Variants in CSMD1 observed in about 807,000 individuals in gnomAD.
The protein encoded by CSMD1 is CUB and Sushi multiple domains 1.
A neutral mutation model predicts 417.5 loss-of-function variants in CSMD1; 213 were observed. That is an observed-to-expected ratio of 0.51 (90% CI 0.46 to 0.57). The LOEUF (loss-of-function observed/expected upper bound fraction) is 0.57, where lower values mean the gene tolerates loss of function less well. CSMD1 is among the 20% of genes least tolerant of loss of function. The probability of loss-of-function intolerance (pLI) is 0.00; values close to 1 mark genes in which losing one functional copy is unlikely to be tolerated. For missense variants in CSMD1, 6,923 were observed against 4,529.7 expected, an observed-to-expected ratio of 1.53 and a Z score of -15.17; for synonymous variants, 2,862 against 1,736.8, an observed-to-expected ratio of 1.65 and a Z score of -16.11.
At chr8:4,686,165 A>C (rs1806375100) in intron 1 of CSMD1, among the ~76,000 whole-genome samples, 1 of 152,262 alleles carries the variant, frequency 6.6e-6, no homozygotes, top group Non-Finnish European at 1.5e-5. Flanking sequence ...CAAGAAGAGA[A>C]GCAGTGCAAG....
intron 2 of CSMD1, among the ~76,000 whole-genome samples, chr8:4,540,417 C>T (rs1406175015): frequency 6.6e-6 from 1 of 152,034 alleles, no homozygotes; most frequent in Admixed American, 6.6e-5. Flanking sequence ...ATCTCAAAAC[C>T]TCAGGCCGGG....
At chr8:4,139,492 T>A (rs1420765119) in intron 3 of CSMD1, among the ~76,000 whole-genome samples, 12 of 144,786 alleles carry the variant, frequency 8.3e-5, no homozygotes, top group Admixed American at 6.7e-5. Context: ...GTGGCGTGGA[T>A]GAATGGTCTG....
chr8:4,348,347 G>A (rs918049504), intron 3 of CSMD1, among the ~76,000 whole-genome samples: 1 of 152,178 alleles, frequency 6.6e-6, no homozygotes, highest in Non-Finnish European at 1.5e-5. Context: ...CGAAGTCATG[G>A]AATCCACCCA....
rs998069043 is a variant in CSMD1 at position 4,400,690 on chromosome 8, C to T, written c.415+19263G>A. Among the ~76,000 whole-genome samples the T allele has an allele frequency of 2.0e-5, 3 of 149,536 alleles. No individual in the cohort carries two copies. In the South Asian group the frequency reaches 6.4e-4, roughly 32 times the overall value. ...TTTTAGGCCGTTCAGGCTAATTTGC[C>T]TTTTTTTTCAGATTTTTTAATGGAC... is the stretch of plus-strand genomic sequence containing the variant. On this transcript the variant is annotated intron_variant, in intron 3 of 69. Transcript: ENST00000635120.
In CSMD1 at chr8:3,020,600, C is replaced by T. The variant is rs114916447; in HGVS notation, c.7856-1950G>A. 6.5e-3 allele frequency among the ~76,000 whole-genome samples: 990 copies of T among 152,190 alleles called. 16 individuals carry two copies. The highest frequency in any genetic ancestry group is 0.023 in the African/African-American group (939 of 41,516). ...TGTTGTCCAGGCTTGTCTGGAACTCCTGGGCTCAGGCGAATCCTCCCATCT... is the reference window on the plus strand; with the variant it reads ...TGTTGTCCAGGCTTGTCTGGAACTCTTGGGCTCAGGCGAATCCTCCCATCT... On this transcript the variant is annotated intron_variant, in intron 51 of 69. Transcript: ENST00000635120.
chr8:4,628,424 A>T (rs1423858767), intron 2 of CSMD1, among the ~76,000 whole-genome samples: 1 of 75,538 alleles, frequency 1.3e-5, no homozygotes, highest in Non-Finnish European at 3.0e-5. Flanking sequence ...ATATACATAT[A>T]TATACACATA....
At chr8:4,479,103 C>G (rs1170115603) in intron 2 of CSMD1, among the ~76,000 whole-genome samples, 2 of 152,052 alleles carry the variant, frequency 1.3e-5, no homozygotes, top group African/African-American at 2.4e-5. Flanking sequence ...ACAGTTATAT[C>G]TATTTTCTGG....
At chr8:4,114,803 A>G (rs1802046026) in intron 3 of CSMD1, among the ~76,000 whole-genome samples, 1 of 152,210 alleles carries the variant, frequency 6.6e-6, no homozygotes, top group Non-Finnish European at 1.5e-5. Context: ...ATGTGGTAGA[A>G]ATAGCGAGAG....
intron 7 of CSMD1, among the ~76,000 whole-genome samples, chr8:3,621,008 A>G (rs574935035): frequency 2.0e-5 from 3 of 152,218 alleles, no homozygotes; most frequent in Non-Finnish European, 2.9e-5. Context: ...CTAATCCAAC[A>G]TGACTGGTGC....
At chr8:3,575,414 G>A (rs568256118) in intron 9 of CSMD1, among the ~76,000 whole-genome samples, 2 of 152,100 alleles carry the variant, frequency 1.3e-5, no homozygotes, top group African/African-American at 4.8e-5. Context: ...CGTAGGTGTC[G>A]TTGTTCAGAG....
chr8:4,556,862 A>G (rs1384475318), intron 2 of CSMD1, among the ~76,000 whole-genome samples: 1 of 152,238 alleles, frequency 6.6e-6, no homozygotes, highest in African/African-American at 2.4e-5. Flanking sequence ...ACTAATACGT[A>G]TAATGCAATG....
In CSMD1 at chr8:4,791,645, G is replaced by T. The variant is rs1160770896; in HGVS notation, c.86-154087C>A. Among the ~76,000 whole-genome samples the T allele has an allele frequency of 6.6e-5, 10 of 152,286 alleles. 1 individual carries two copies. In the South Asian group the frequency reaches 1.7e-3, roughly 25 times the overall value. ...GTAAGGGTTGAGCTCACTTAAAAAT[G>T]GGCCCAACACAGAAGGCTAGTTAAG... is the stretch of plus-strand genomic sequence containing the variant. On this transcript the variant is annotated intron_variant, in intron 1 of 69. Coordinates refer to ENST00000635120, the MANE Select transcript of CSMD1 (RefSeq NM_033225.6).
chr8:3,129,640 T>C (rs1817686190), intron 41 of CSMD1, among the ~76,000 whole-genome samples: 1 of 148,088 alleles, frequency 6.8e-6, no homozygotes, highest in African/African-American at 2.5e-5. Context: ...CCAGGCATGG[T>C]GACACACACC....
At chr8:4,355,791 A>G (rs539107986) in intron 3 of CSMD1, among the ~76,000 whole-genome samples, 2 of 152,280 alleles carry the variant, frequency 1.3e-5, no homozygotes, top group East Asian at 3.9e-4. Context: ...AACATGTGCT[A>G]CTAACCTGGC....
At chr8:3,814,609 C>G (rs1032317385) in intron 5 of CSMD1, among the ~76,000 whole-genome samples, 1 of 152,140 alleles carries the variant, frequency 6.6e-6, no homozygotes, top group Non-Finnish European at 1.5e-5. Context: ...GCTGGACATC[C>G]CACAGCACAC....
intron 12 of CSMD1, among the ~76,000 whole-genome samples, chr8:3,428,384 T>C (rs1469946693): frequency 3.9e-5 from 6 of 152,092 alleles, no homozygotes; most frequent in African/African-American, 1.4e-4. Context: ...ACAGTACAAA[T>C]CTTGACAGAA....
intron 1 of CSMD1, among the ~76,000 whole-genome samples, chr8:4,883,325 A>G (rs892970755): frequency 3.3e-5 from 5 of 152,156 alleles, no homozygotes; most frequent in African/African-American, 4.8e-5. Flanking sequence ...CTATTTGGAT[A>G]TAATTATCAG....
At chr8:4,096,379 G>C (rs1201619225) in intron 3 of CSMD1, among the ~76,000 whole-genome samples, 1 of 151,986 alleles carries the variant, frequency 6.6e-6, no homozygotes, top group Non-Finnish European at 1.5e-5. Context: ...ACATGGCCTA[G>C]TGGATGCCTA....
intron 11 of CSMD1, among the ~76,000 whole-genome samples, chr8:3,479,582 C>T (rs1033700901): frequency 6.6e-6 from 1 of 152,150 alleles, no homozygotes; most frequent in Non-Finnish European, 1.5e-5. Context: ...GCCCAGCCTG[C>T]CATTTCTTTC....
Sources: allele counts gnomAD v4.1 joint callset (sites outside exome capture counted in the v4.1 genomes callset), GRCh38; gene constraint gnomAD v4.1.1; transcripts MANE v1.5; gene names NCBI Gene and HGNC (gene_info 2026-07-23, HGNC 2026-07-21).